Variants in NDST4 observed in about 807,000 individuals in gnomAD.
The protein encoded by NDST4 is N-deacetylase and N-sulfotransferase 4.
NDST4 carries 63 observed loss-of-function variants against 100.8 expected under a neutral mutation model. That is an observed-to-expected ratio of 0.62 (90% CI 0.51 to 0.77). The LOEUF is 0.77. NDST4 is among the 30% of genes least tolerant of loss of function. NDST4 has a pLI of 0.00. For synonymous variants in NDST4, 377 were observed against 361.8 expected (o/e 1.04, Z -0.48); for missense variants, 943 against 1,018.4 (o/e 0.93, Z 1.01).
At chr4:114,922,971 G>GA (rs1336481912) in intron 6 of NDST4, among the ~76,000 whole-genome samples, 1 of 152,174 alleles carries the variant, frequency 6.6e-6, no homozygotes, top group Non-Finnish European at 1.5e-5. Context: ...CTCAGGGGAT[G>GA]AGAAAGAGAA....
At chr4:114,919,648 C>T (rs1725247570) in intron 6 of NDST4, among the ~76,000 whole-genome samples, 1 of 152,086 alleles carries the variant, frequency 6.6e-6, no homozygotes, top group Non-Finnish European at 1.5e-5. Flanking sequence ...GGTCATGGTC[C>T]AGAGTTTGAA....
At chr4:114,850,793 C>T (rs1443427742) in intron 8 of NDST4, among the ~76,000 whole-genome samples, 1 of 152,066 alleles carries the variant, frequency 6.6e-6, no homozygotes, top group Non-Finnish European at 1.5e-5. Flanking sequence ...CTAAATGTAA[C>T]CCTATGAGAA....
At chr4:114,845,772 C>T (rs1308327812) in intron 10 of NDST4, 51 bp downstream of exon 10, 1 of 1,495,556 alleles carries the variant, frequency 6.7e-7, no homozygotes, top group East Asian at 2.3e-5. Flanking sequence ...TTCATTGCCT[C>T]CATTTAAGCT....
chr4:115,021,998 C>T (rs116422368), intron 2 of NDST4, among the ~76,000 whole-genome samples: 5,619 of 151,798 alleles, frequency 0.037, 366 homozygotes, highest in African/African-American at 0.13. Context: ...TCTATATATT[C>T]CATATATATG....
chr4:114,879,198 T>C (rs1724316627), intron 6 of NDST4, among the ~76,000 whole-genome samples: 1 of 152,188 alleles, frequency 6.6e-6, no homozygotes, highest in South Asian at 2.1e-4. Flanking sequence ...TTCTTTTAGC[T>C]ACTTTGAAAT....
chr4:114,895,466 C>A (rs1329860016), intron 6 of NDST4, among the ~76,000 whole-genome samples: 1 of 152,160 alleles, frequency 6.6e-6, no homozygotes, highest in Non-Finnish European at 1.5e-5. Flanking sequence ...AGACCAATAA[C>A]AAGCTCTGAA....
chr4:114,973,101 A>G (rs1726551269), intron 3 of NDST4, among the ~76,000 whole-genome samples: 1 of 152,068 alleles, frequency 6.6e-6, no homozygotes, highest in Non-Finnish European at 1.5e-5. Flanking sequence ...ATACTAAGCC[A>G]TACTGAGGGA....
chr4:115,079,874 T>C (rs1361762084), intron 1 of NDST4, among the ~76,000 whole-genome samples: 1 of 152,178 alleles, frequency 6.6e-6, no homozygotes, highest in Non-Finnish European at 1.5e-5. Context: ...AATTTAAGTT[T>C]TAAAAATCTG....
intron 6 of NDST4, among the ~76,000 whole-genome samples, chr4:114,883,062 T>C (rs1724404678): frequency 6.6e-6 from 1 of 152,092 alleles, no homozygotes; most frequent in African/African-American, 2.4e-5. Flanking sequence ...GGAATTTCTT[T>C]GTCAGTGGAC....
In NDST4 at chr4:114,932,662, A is replaced by G. The variant is rs141530945; in HGVS notation, c.1536+2544T>C. 5.3e-3 allele frequency among the ~76,000 whole-genome samples: 803 copies of G among 152,098 alleles called. 9 individuals carry two copies. Among genetic ancestry groups the G allele is most frequent in the African/African-American group, 0.018 (759 of 41,530 alleles). ...AGTAAAGTTGAAGTATATGAAATCA[A>G]TGTACAAAAATAGTAGTGTTTCTGT... On this transcript the variant is annotated intron_variant, in intron 6 of 13. Coordinates refer to ENST00000264363, the MANE Select transcript of NDST4 (RefSeq NM_022569.3).
In NDST4 at chr4:114,829,808, A is replaced by G; in HGVS notation, c.2481T>C (p.Tyr827=). 1.2e-6 allele frequency: 2 copies of G among 1,610,596 alleles called. No individual in the cohort carries two copies. The highest frequency in any genetic ancestry group is 2.2e-5 in the South Asian group (2 of 90,342). The change falls in exon 13 of 14, where the codon TAT becomes TAC. Residue 827 remains tyrosine, a synonymous_variant. Transcript: ENST00000264363. ...KCLGKSKGRK[Y]PPMDPESRTF... is the part of the protein sequence containing the mutation. ...TTATTACCTCTGGATCCATAGGTGG[A>G]TATTTTCGGCCTTTGCTTTTTCCAA...
chr4:114,913,857 A>T (rs1725113737), intron 6 of NDST4, among the ~76,000 whole-genome samples: 2 of 151,970 alleles, frequency 1.3e-5, no homozygotes, highest in South Asian at 4.1e-4. Flanking sequence ...ATATTTATGA[A>T]CATTTTGAGG....
At chr4:115,004,257 T>A (rs907677505) in intron 2 of NDST4, among the ~76,000 whole-genome samples, 30 of 152,354 alleles carry the variant, frequency 2.0e-4, no homozygotes, top group South Asian at 1.2e-3. Flanking sequence ...ATTAGAAGTT[T>A]TTTTAGCCTG....
intron 11 of NDST4, among the ~76,000 whole-genome samples, chr4:114,834,378 G>T (rs1034123733): frequency 2.0e-5 from 3 of 152,006 alleles, no homozygotes; most frequent in Non-Finnish European, 4.4e-5. Context: ...GCCAGTCATG[G>T]TGGCAGGCTC....
At chr4:114,943,136 A>G (rs1725786310) in intron 4 of NDST4, among the ~76,000 whole-genome samples, 1 of 149,078 alleles carries the variant, frequency 6.7e-6, no homozygotes, top group Non-Finnish European at 1.5e-5. Context: ...AAAAGATAAC[A>G]TTATTAGATC....
At chr4:115,093,127 A>C (rs1298152788) in intron 1 of NDST4, among the ~76,000 whole-genome samples, 1 of 152,188 alleles carries the variant, frequency 6.6e-6, no homozygotes, top group Non-Finnish European at 1.5e-5. Flanking sequence ...AACATTTATA[A>C]ATTCCCAATC....
intron 11 of NDST4, 25 bp downstream of exon 11, chr4:114,839,353 G>A (rs375479363): frequency 8.2e-6 from 13 of 1,581,046 alleles, no homozygotes; most frequent in African/African-American, 1.4e-5. Context: ...AAAATAAACA[G>A]AAGAAAGTAA....
At chr4:115,059,891 G>C (rs1728782367) in intron 2 of NDST4, among the ~76,000 whole-genome samples, 1 of 151,532 alleles carries the variant, frequency 6.6e-6, no homozygotes, top group Non-Finnish European at 1.5e-5. Context: ...TACTAGGTTA[G>C]CTTTCTCTAA....
At chr4:115,004,732 A>T (rs974137793) in intron 2 of NDST4, among the ~76,000 whole-genome samples, 5 of 152,150 alleles carry the variant, frequency 3.3e-5, no homozygotes, top group Non-Finnish European at 7.3e-5. Flanking sequence ...GTTGTATAAG[A>T]CATGTATGGT....
Sources: allele counts gnomAD v4.1 joint callset (sites outside exome capture counted in the v4.1 genomes callset), GRCh38; gene constraint gnomAD v4.1.1; transcripts MANE v1.5; gene names NCBI Gene and HGNC (gene_info 2026-07-23, HGNC 2026-07-21).